ERBB4: variants seen among roughly 807,000 people sequenced by gnomAD.
ERBB4 encodes erb-b2 receptor tyrosine kinase 4.
A neutral mutation model predicts 158.0 loss-of-function variants in ERBB4; 42 were observed. That is an observed-to-expected ratio of 0.27 (90% CI 0.21 to 0.34). The LOEUF (loss-of-function observed/expected upper bound fraction) is 0.34. Ranked by LOEUF, ERBB4 falls within the 10% of genes least tolerant of loss-of-function variation. ERBB4 has a pLI of 1.00. For missense variants in ERBB4, 1,333 were observed against 1,624.1 expected, an observed-to-expected ratio of 0.82 and a Z score of 3.08; for synonymous variants, 583 against 558.7, an observed-to-expected ratio of 1.04 and a Z score of -0.61.
intron 1 of ERBB4, among the ~76,000 whole-genome samples, chr2:212,348,049 T>A (rs1221220427): frequency 6.6e-6 from 1 of 152,110 alleles, no homozygotes; most frequent in Non-Finnish European, 1.5e-5. Context: ...CTATAATGCT[T>A]AGTGTCAAGA....
At chr2:211,582,923 G>C (rs2125775287) in intron 19 of ERBB4, among the ~76,000 whole-genome samples, 1 of 152,194 alleles carries the variant, frequency 6.6e-6, no homozygotes, top group Non-Finnish European at 1.5e-5. Context: ...TGTAATTAAA[G>C]CAGGAATGCA....
intron 1 of ERBB4, among the ~76,000 whole-genome samples, chr2:212,537,150 C>CGGCGGCGGCGGCGGCGGCGGG (rs576146218): frequency 3.2e-4 from 48 of 151,212 alleles, no homozygotes; most frequent in African/African-American, 3.9e-4. Context: ...GCGGCGGCGG[C>CGGCGGCGGCGGCGGCGGCGGG]GGCGGAGCGG....
chr2:211,529,986 T>G (rs1213220664), intron 20 of ERBB4, among the ~76,000 whole-genome samples: 3 of 151,978 alleles, frequency 2.0e-5, no homozygotes, highest in African/African-American at 7.2e-5. Context: ...TGGATAAAAG[T>G]GGATATCTGA....
intron 16 of ERBB4, among the ~76,000 whole-genome samples, chr2:211,648,430 T>C (rs967871512): frequency 1.3e-5 from 2 of 151,808 alleles, no homozygotes; most frequent in African/African-American, 4.8e-5. Context: ...ATGGATTTTA[T>C]GATATTAGGA....
At chr2:211,895,330 T>G (rs2079070290) in intron 3 of ERBB4, among the ~76,000 whole-genome samples, 1 of 152,180 alleles carries the variant, frequency 6.6e-6, no homozygotes, top group Non-Finnish European at 1.5e-5. Flanking sequence ...CAATCATGGC[T>G]CACTTCAATC....
intron 1 of ERBB4, among the ~76,000 whole-genome samples, chr2:212,524,990 G>C (rs1560553466): frequency 6.6e-6 from 1 of 151,996 alleles, no homozygotes; most frequent in African/African-American, 2.4e-5. Flanking sequence ...ATTGGGTTAA[G>C]TCAGAGAAAG....
intron 1 of ERBB4, among the ~76,000 whole-genome samples, chr2:212,333,893 A>G (rs771350566): frequency 5.3e-5 from 8 of 152,012 alleles, no homozygotes; most frequent in Non-Finnish European, 1.0e-4. Context: ...GTCACCTAAT[A>G]CAGAAACCTA....
At chr2:211,667,026 G>T (rs2071657725) in intron 14 of ERBB4, among the ~76,000 whole-genome samples, 1 of 151,836 alleles carries the variant, frequency 6.6e-6, no homozygotes, top group Non-Finnish European at 1.5e-5. Flanking sequence ...GCTTCCCTGG[G>T]TCACATTGGA....
intron 4 of ERBB4, among the ~76,000 whole-genome samples, chr2:211,780,559 CTCT>C (rs2076008908): frequency 6.9e-6 from 1 of 145,910 alleles, no homozygotes; most frequent in Non-Finnish European, 1.5e-5. Context: ...CCTGGAAAGC[CTCT>C]TCTTATAAAT....
At chr2:211,718,657 A>G (rs184249693) in intron 7 of ERBB4, among the ~76,000 whole-genome samples, 118 of 152,264 alleles carry the variant, frequency 7.7e-4, no homozygotes, top group African/African-American at 2.6e-3. Flanking sequence ...CATCATTCAT[A>G]ACACTAAATT....
chr2:212,259,375 G>T (rs2084851509), intron 1 of ERBB4, among the ~76,000 whole-genome samples: 1 of 152,068 alleles, frequency 6.6e-6, no homozygotes, highest in East Asian at 1.9e-4. Context: ...TCCAGGTAAA[G>T]CCCATTAAAC....
At chr2:211,481,380 T>G (rs1358528402) in intron 20 of ERBB4, among the ~76,000 whole-genome samples, 1 of 152,176 alleles carries the variant, frequency 6.6e-6, no homozygotes, top group African/African-American at 2.4e-5. Context: ...CTATTCTGCA[T>G]TCGTTTCTGA....
chr2:212,286,117 G>A (rs918563943), intron 1 of ERBB4, among the ~76,000 whole-genome samples: 9 of 152,090 alleles, frequency 5.9e-5, no homozygotes, highest in East Asian at 1.9e-4. Flanking sequence ...TACTGAGACC[G>A]AGATTTCAAA....
chr2:211,521,822 T>C (rs534870721), intron 20 of ERBB4, among the ~76,000 whole-genome samples: 2 of 152,138 alleles, frequency 1.3e-5, no homozygotes, highest in Non-Finnish European at 2.9e-5. Flanking sequence ...CTATGCTCTA[T>C]AAACGAAACA....
chr2:211,762,763 C>A (rs1450711981), intron 4 of ERBB4, among the ~76,000 whole-genome samples: 1 of 152,192 alleles, frequency 6.6e-6, no homozygotes, highest in East Asian at 1.9e-4. Flanking sequence ...GAAATGGGAT[C>A]CAAAGCATTG....
intron 1 of ERBB4, among the ~76,000 whole-genome samples, chr2:212,174,870 T>C (rs2081614150): frequency 1.3e-5 from 2 of 152,048 alleles, no homozygotes; most frequent in Non-Finnish European, 1.5e-5. Context: ...AATCATGGCA[T>C]TGCATACACA....
intron 12 of ERBB4, among the ~76,000 whole-genome samples, chr2:211,682,092 A>AC (rs2072370299): frequency 1.4e-5 from 2 of 144,328 alleles, no homozygotes; most frequent in African/African-American, 5.1e-5. Flanking sequence ...ACACACACAC[A>AC]ATTGGCTCAC....
intron 3 of ERBB4, among the ~76,000 whole-genome samples, chr2:211,807,409 T>C (rs908925695): frequency 1.3e-5 from 2 of 152,178 alleles, no homozygotes; most frequent in African/African-American, 4.8e-5. Flanking sequence ...TTTTCTGTCC[T>C]TGTGATAGTT....
chr2:212,065,926 A>G (rs2077933985), intron 2 of ERBB4, among the ~76,000 whole-genome samples: 1 of 152,000 alleles, frequency 6.6e-6, no homozygotes, highest in South Asian at 2.1e-4. Context: ...TCTGAACCGG[A>G]ATTATTTAAT....
Sources: gnomAD v4.1 joint callset for allele counts (sites outside exome capture counted in the v4.1 genomes callset) on GRCh38, gnomAD v4.1.1 for gene constraint, MANE v1.5 for transcripts, NCBI Gene and HGNC (gene_info 2026-07-23, HGNC 2026-07-21) for gene names.